Variants in CSMD1 observed in about 807,000 individuals in gnomAD.
CSMD1 encodes CUB and Sushi multiple domains 1, also known as CUB and sushi domain-containing protein 1.
CSMD1 carries 213 observed loss-of-function variants against 417.5 expected under a neutral mutation model. That is an observed-to-expected ratio of 0.51 (90% CI 0.46 to 0.57). The LOEUF (loss-of-function observed/expected upper bound fraction) is 0.57, where lower values mean the gene tolerates loss of function less well. CSMD1 is among the 20% of genes least tolerant of loss of function. CSMD1 has a pLI of 0.00. For synonymous variants in CSMD1, 2,862 were observed against 1,736.8 expected (o/e 1.65, Z -16.11); for missense variants, 6,923 against 4,529.7 (o/e 1.53, Z -15.17).
intron 46 of CSMD1, among the ~76,000 whole-genome samples, chr8:3,099,890 A>T (rs1211998942): frequency 6.6e-6 from 1 of 152,232 alleles, no homozygotes; most frequent in African/African-American, 2.4e-5. Flanking sequence ...AAGAGGTAGC[A>T]GATAATTTGT....
At position 4,272,528 on chromosome 8, in the gene CSMD1, A is replaced by G. The variant is rs73660724; in HGVS notation, c.415+147425T>C. 9.7e-3 allele frequency among the ~76,000 whole-genome samples: 1,479 copies of G among 152,324 alleles called. 17 individuals carry two copies. The highest frequency in any genetic ancestry group is 0.034 in the African/African-American group (1,427 of 41,588). On this transcript the variant is annotated intron_variant, in intron 3 of 69. Transcript: ENST00000635120. Reference sequence around the variant, plus strand: ...CAAAAAATACATAGAAACCACATGCATAACAAGTGATTTGCTTCAAACTTG... The same window carrying G: ...CAAAAAATACATAGAAACCACATGCGTAACAAGTGATTTGCTTCAAACTTG...
intron 6 of CSMD1, among the ~76,000 whole-genome samples, chr8:3,709,146 A>T (rs535037772): frequency 1.1e-5 from 1 of 90,970 alleles, no homozygotes; most frequent in African/African-American, 3.8e-5. Context: ...ACATTTTAAG[A>T]AGTTTCATTT....
intron 54 of CSMD1, among the ~76,000 whole-genome samples, chr8:2,992,655 G>C (rs1409087364): frequency 1.3e-5 from 2 of 152,074 alleles, no homozygotes; most frequent in Non-Finnish European, 2.9e-5. Context: ...TCGAACTCCT[G>C]ACCTCGTGAT....
chr8:4,458,865 A>T (rs1441370209), intron 2 of CSMD1, among the ~76,000 whole-genome samples: 1 of 152,186 alleles, frequency 6.6e-6, no homozygotes, highest in Non-Finnish European at 1.5e-5. Flanking sequence ...AGCACTGAAT[A>T]CTCATTCCAC....
At chr8:3,738,273 C>A (rs976552559) in intron 6 of CSMD1, among the ~76,000 whole-genome samples, 2 of 152,176 alleles carry the variant, frequency 1.3e-5, no homozygotes, top group African/African-American at 2.4e-5. Flanking sequence ...GCGACGATCA[C>A]AGTGGAAGGA....
chr8:4,054,758 G>T (rs888132302), intron 3 of CSMD1, among the ~76,000 whole-genome samples: 1 of 152,070 alleles, frequency 6.6e-6, no homozygotes, highest in Non-Finnish European at 1.5e-5. Flanking sequence ...ATTCTCTGGG[G>T]GTTGATGATG....
intron 26 of CSMD1, among the ~76,000 whole-genome samples, chr8:3,233,926 C>T (rs1235661354): frequency 1.3e-5 from 2 of 152,180 alleles, no homozygotes; most frequent in African/African-American, 2.4e-5. Flanking sequence ...AATTCACCTA[C>T]AGACTAGTGT....
At chr8:4,707,600 G>T (rs1465972668) in intron 1 of CSMD1, among the ~76,000 whole-genome samples, 1 of 152,028 alleles carries the variant, frequency 6.6e-6, no homozygotes, top group East Asian at 1.9e-4. Flanking sequence ...CAAGAGAGGG[G>T]AAAGAGCCAG....
At chr8:2,962,351 G>A in intron 61 of CSMD1, 115 bp downstream of exon 61, 1 of 925,054 alleles carries the variant, frequency 1.1e-6, no homozygotes, top group South Asian at 1.8e-5. Flanking sequence ...ACCTTGTACA[G>A]AAAACTGTCT....
At chr8:3,481,449 G>C (rs1563079347) in intron 11 of CSMD1, among the ~76,000 whole-genome samples, 2 of 152,144 alleles carry the variant, frequency 1.3e-5, no homozygotes, top group African/African-American at 4.8e-5. Flanking sequence ...TGCAAGTGCA[G>C]TTTCCATACT....
intron 3 of CSMD1, among the ~76,000 whole-genome samples, chr8:4,280,355 AAAT>A (rs1439721227): frequency 2.0e-5 from 3 of 152,224 alleles, no homozygotes; most frequent in African/African-American, 4.8e-5. Flanking sequence ...AATTTCTAAT[AAAT>A]AATAATTGAA....
intron 2 of CSMD1, among the ~76,000 whole-genome samples, chr8:4,537,536 T>A (rs1005714786): frequency 7.9e-5 from 12 of 152,232 alleles, no homozygotes; most frequent in African/African-American, 2.4e-4. Context: ...TAATTGACTC[T>A]GATTAAAAAG....
chr8:4,118,159 C>G (rs1034299460), intron 3 of CSMD1, among the ~76,000 whole-genome samples: 19 of 152,054 alleles, frequency 1.2e-4, no homozygotes, highest in African/African-American at 3.9e-4. Flanking sequence ...TCAGTGGGAG[C>G]AGAGGGGTGT....
chr8:3,835,950 G>C (rs1020135994), intron 5 of CSMD1, among the ~76,000 whole-genome samples: 2 of 152,032 alleles, frequency 1.3e-5, no homozygotes, highest in East Asian at 3.9e-4. Context: ...TCCAGGAATA[G>C]AACTTTTGGA....
intron 1 of CSMD1, among the ~76,000 whole-genome samples, chr8:4,915,157 A>G (rs1431327363): frequency 2.0e-5 from 3 of 152,190 alleles, no homozygotes; most frequent in Non-Finnish European, 4.4e-5. Flanking sequence ...ACGCATGCTT[A>G]TGATTATATA....
At chr8:3,301,073 T>C (rs1398314805) in intron 25 of CSMD1, among the ~76,000 whole-genome samples, 6 of 152,034 alleles carry the variant, frequency 3.9e-5, no homozygotes, top group African/African-American at 1.2e-4. Context: ...CATTGATACG[T>C]ATAAGACATT....
intron 12 of CSMD1, among the ~76,000 whole-genome samples, chr8:3,412,143 T>TATATATACACACGTATATATAC (rs1184798666): frequency 1.7e-5 from 2 of 117,344 alleles, no homozygotes; most frequent in South Asian, 2.7e-4. Flanking sequence ...CATATATACA[T>TATATATACACACGTATATATAC]ATATATACAC....
chr8:4,846,098 T>G (rs1222016385), intron 1 of CSMD1, among the ~76,000 whole-genome samples: 1 of 152,298 alleles, frequency 6.6e-6, no homozygotes, highest in East Asian at 1.9e-4. Flanking sequence ...TTGCAGGAGT[T>G]AGAACTTCCA....
intron 2 of CSMD1, among the ~76,000 whole-genome samples, chr8:4,471,122 A>C (rs990027989): frequency 4.6e-5 from 7 of 152,198 alleles, no homozygotes; most frequent in African/African-American, 1.7e-4. Flanking sequence ...TTAATTTTTA[A>C]AATTATCCTT....
Sources: allele counts gnomAD v4.1 joint callset (sites outside exome capture counted in the v4.1 genomes callset), GRCh38; gene constraint gnomAD v4.1.1; transcripts MANE v1.5; gene names NCBI Gene and HGNC (gene_info 2026-07-23, HGNC 2026-07-21).